The following PLEKHO2 variants were observed in gnomAD, a reference collection of about 807,000 sequenced individuals.
PLEKHO2 encodes the protein pleckstrin homology domain containing O2.
A neutral mutation model predicts 32.7 loss-of-function variants in PLEKHO2; 20 were observed. That is an observed-to-expected ratio of 0.61 (90% CI 0.43 to 0.89). The LOEUF (loss-of-function observed/expected upper bound fraction) is 0.89. Ranked by LOEUF, PLEKHO2 falls within the 40% of genes least tolerant of loss-of-function variation. The probability of loss-of-function intolerance (pLI) is 0.00; values close to 1 mark genes in which losing one functional copy is unlikely to be tolerated. For synonymous variants in PLEKHO2, 247 were observed against 246.3 expected, an observed-to-expected ratio of 1.00 and a Z score of -0.03; for missense variants, 568 against 621.2, an observed-to-expected ratio of 0.91 and a Z score of 0.91.
chr15:64,866,233 ATC>A lies in PLEKHO2; in HGVS notation c.*349_*350del, dbSNP rs1255240619. ...ACTTGGGGTTTCTGGGAATGACATC[ATC>A]TCTGTTCCCCATCCCCAGTAGTTTA... On this transcript the variant is annotated 3_prime_UTR_variant, in exon 6 of 6. Transcript: ENST00000323544. 1 of 458,818 alleles carries A rather than the reference ATC, an allele frequency of 2.2e-6. No individual in the cohort carries two copies. The highest frequency in any genetic ancestry group is 2.0e-5 in the African/African-American group (1 of 50,450). The allele number at this position is 458,818 out of a possible 1,614,324, so 28.4% of individuals were successfully genotyped here.
At position 64,867,060 on chromosome 15, in the gene PLEKHO2, C is replaced by T. The variant is rs1398350699; in HGVS notation, c.*1172C>T. On this transcript the variant is annotated 3_prime_UTR_variant, in exon 6 of 6. Coordinates refer to ENST00000323544, the MANE Select transcript of PLEKHO2 (RefSeq NM_025201.5). ...CTGACTCTAGGGGCACATCCAGTCT[C>T]CATCGTGCTGCAGCAGCTGGACTGA... The T allele has an allele frequency of 6.5e-6, 1 of 152,884 alleles. No homozygotes were observed. Among genetic ancestry groups the T allele is most frequent in the Non-Finnish European group, 1.5e-5 (1 of 68,242 alleles). 9.5% of individuals were successfully genotyped at this position (152,884 alleles called of 1,614,324 possible).
chr15:64,867,196 G>A lies in PLEKHO2; in HGVS notation c.*1308G>A. ...AGGACCTGCCCAGATTTCTGCATGTGCACTTTTGTTTACTGAAAGAGAGAA... is the reference window on the plus strand; with the variant it reads ...AGGACCTGCCCAGATTTCTGCATGTACACTTTTGTTTACTGAAAGAGAGAA... On this transcript the variant is annotated 3_prime_UTR_variant, in exon 6 of 6. Coordinates refer to ENST00000323544, the MANE Select transcript of PLEKHO2 (RefSeq NM_025201.5). 1 of 152,718 alleles carries A rather than the reference G, an allele frequency of 6.5e-6. No individual in the cohort carries two copies. The highest frequency in any genetic ancestry group is 1.5e-5 in the Non-Finnish European group (1 of 68,078). 9.5% of individuals were successfully genotyped at this position (152,718 alleles called of 1,614,324 possible).
chr15:64,859,068 C>A (rs2084625111), intron 3 of PLEKHO2, among the ~76,000 whole-genome samples: 1 of 152,192 alleles, frequency 6.6e-6, no homozygotes, highest in Non-Finnish European at 1.5e-5. Context: ...ACAATGTTTT[C>A]AAGGTTCATC....
At chr15:64,842,859 CAGCACGCAGCAAGCACTTAATAT>C (rs1463946341) in intron 1 of PLEKHO2, among the ~76,000 whole-genome samples, 1 of 152,228 alleles carries the variant, frequency 6.6e-6, no homozygotes, top group South Asian at 2.1e-4. Context: ...TCCGAGGGTC[CAGCACGCAGCAAGCACTTAATAT>C]ATGCCTGTGG....
chr15:64,865,210 C>A lies in PLEKHO2; in HGVS notation c.795C>A (p.Val265=). 2.5e-6 allele frequency: 4 copies of A among 1,614,154 alleles called. No homozygotes were observed. The highest frequency in any genetic ancestry group is 3.4e-6 in the Non-Finnish European group (4 of 1,180,016). The change falls in exon 6 of 6, where the codon GTC becomes GTA. Residue 265 remains valine, a synonymous_variant. Coordinates refer to ENST00000323544, the MANE Select transcript of PLEKHO2 (RefSeq NM_025201.5). ...GCTCTGAGCAGCCTCCCAACAGCGT[C>A]CTGCCTGACAAACTGAAGGTGAGCT... ...DSGSEQPPNS[V]LPDKLKVSWE...
In PLEKHO2 at chr15:64,866,038, T is replaced by A. The variant is rs913474134; in HGVS notation, c.*150T>A. On this transcript the variant is annotated 3_prime_UTR_variant, in exon 6 of 6. Transcript: ENST00000323544. ...GGGTTTGGCCATGACCCGAAGAGAC[T>A]CCTGGCGTCCTTCCTACTCTGCTCT... 4 of 1,022,470 alleles carry A rather than the reference T, an allele frequency of 3.9e-6. No homozygotes were observed. Among genetic ancestry groups the A allele is most frequent in the Middle Eastern group, 6.1e-4 (2 of 3,304 alleles). 63.3% of individuals were successfully genotyped at this position (1,022,470 alleles called of 1,614,324 possible).
At chr15:64,843,078 T>C (rs1260026203) in intron 1 of PLEKHO2, among the ~76,000 whole-genome samples, 1 of 152,216 alleles carries the variant, frequency 6.6e-6, no homozygotes, top group African/African-American at 2.4e-5. Flanking sequence ...TGGGAAGCCC[T>C]GAGTGGACCG....
intron 5 of PLEKHO2, among the ~76,000 whole-genome samples, chr15:64,862,216 G>A (rs1437528667): frequency 1.3e-5 from 2 of 152,122 alleles, no homozygotes; most frequent in African/African-American, 2.4e-5. Flanking sequence ...AAGGGAGAGT[G>A]CGTTTCAGAG....
In PLEKHO2 at chr15:64,854,911, C is replaced by A. The variant is rs748275868; in HGVS notation, c.163-10C>A. 1.9e-6 allele frequency: 3 copies of A among 1,608,368 alleles called. No homozygotes were observed. On this transcript the variant is annotated splice_polypyrimidine_tract_variant and intron_variant, in intron 2 of 5. Coordinates refer to ENST00000323544, the MANE Select transcript of PLEKHO2 (RefSeq NM_025201.5). ...TCACCAGCTCATGTCCCTTCTGTCT[C>A]CCTCCCCAGGATGATCAGAAGTGTG...
chr15:64,849,028 T>C (rs868462397), intron 2 of PLEKHO2, among the ~76,000 whole-genome samples: 1 of 151,534 alleles, frequency 6.6e-6, no homozygotes, highest in Admixed American at 6.6e-5. Context: ...CAGGCTGGAG[T>C]GCAGTGGCGA....
intron 1 of PLEKHO2, among the ~76,000 whole-genome samples, chr15:64,844,024 A>T (rs1011669420): frequency 2.0e-5 from 3 of 151,710 alleles, no homozygotes; most frequent in Non-Finnish European, 2.9e-5. Context: ...GGCATCCCTA[A>T]CTCTGCTTTC....
intron 5 of PLEKHO2, among the ~76,000 whole-genome samples, chr15:64,863,571 T>C (rs2084659632): frequency 6.7e-6 from 1 of 150,272 alleles, no homozygotes. Context: ...AGGGGTGACT[T>C]TCTGGTGGTC....
In PLEKHO2 at chr15:64,866,394, G is replaced by A. The variant is rs1329737905; in HGVS notation, c.*506G>A. ...CTCCCACCTATTCTGAGTAGCTGCAGAGGCCTTGGGTCCAGGCTCTAGGTT... is the reference window on the plus strand; with the variant it reads ...CTCCCACCTATTCTGAGTAGCTGCAAAGGCCTTGGGTCCAGGCTCTAGGTT... On this transcript the variant is annotated 3_prime_UTR_variant, in exon 6 of 6. Transcript: ENST00000323544. The A allele has an allele frequency of 2.2e-6, 1 of 456,520 alleles. No homozygotes were observed. The highest frequency in any genetic ancestry group is 1.5e-5 in the South Asian group (1 of 64,570). 28.3% of individuals were successfully genotyped at this position (456,520 alleles called of 1,614,324 possible).
At position 64,865,702 on chromosome 15, in the gene PLEKHO2, G is replaced by C. The variant is rs116174314; in HGVS notation, c.1287G>C (p.Lys429Asn). 6.2e-7 allele frequency: 1 copy of C among 1,614,220 alleles called. No homozygotes were observed. The highest frequency in any genetic ancestry group is 1.3e-5 in the African/African-American group (1 of 75,070). ...ASEQTEKLLN[K>N]VLGSEPAPVS... ...AACAGACGGAGAAACTGTTGAACAAGGTGCTGGGCAGTGAGCCGGCCCCTG... is the reference window on the plus strand; with the variant it reads ...AACAGACGGAGAAACTGTTGAACAACGTGCTGGGCAGTGAGCCGGCCCCTG... Residue 429 changes from lysine to asparagine, a missense_variant, in exon 6 of 6, where the codon AAG becomes AAC. Coordinates refer to ENST00000323544, the MANE Select transcript of PLEKHO2 (RefSeq NM_025201.5).
chr15:64,855,542 T>A (rs1205452589), intron 3 of PLEKHO2, among the ~76,000 whole-genome samples: 2 of 152,166 alleles, frequency 1.3e-5, no homozygotes, highest in Non-Finnish European at 2.9e-5. Context: ...CCCCCCAGCT[T>A]TCCTCCCCTT....
In PLEKHO2 at chr15:64,865,084, G is replaced by A. The variant is rs779199098; in HGVS notation, c.669G>A (p.Glu223=). 6.2e-7 allele frequency: 1 copy of A among 1,614,090 alleles called. No homozygotes were observed. The highest frequency in any genetic ancestry group is 8.5e-7 in the Non-Finnish European group (1 of 1,180,000). ...CCACCAGCCCTGGTGACAGGGTGGA[G>A]ACCCCTGTGGGGGAGAGAGCCCCAA... is the stretch of plus-strand genomic sequence containing the variant. ...PETTSPGDRV[E]TPVGERAPTP... The change falls in exon 6 of 6, where the codon GAG becomes GAA. Residue 223 remains glutamate, a synonymous_variant. Transcript: ENST00000323544.
At position 64,854,463 on chromosome 15, in the gene PLEKHO2, C is replaced by T. The variant is rs139207505; in HGVS notation, c.163-458C>T. On this transcript the variant is annotated intron_variant, in intron 2 of 5. Transcript: ENST00000323544. ...GGCAGGGCATGTAGCCCCAAATTTG[C>T]CTTGTTCACACTTCCCTCTGGCTCT... 2.0e-4 allele frequency among the ~76,000 whole-genome samples: 31 copies of T among 152,310 alleles called. No individual in the cohort carries two copies. In the East Asian group the frequency reaches 6.0e-3, roughly 29 times the overall value.
Position 64,861,469 on chromosome 15 carries a change from C to T in PLEKHO2, c.385-8C>T, listed in dbSNP as rs775991041. 3.8e-6 allele frequency: 6 copies of T among 1,583,566 alleles called. No homozygotes were observed. Among genetic ancestry groups the T allele is most frequent in the Non-Finnish European group, 5.1e-6 (6 of 1,165,496 alleles). The stretch of plus-strand genomic sequence containing the variant: ...GGCAGGGGCTGATCTGGTTCCCCCT[C>T]CCTCCAGGTAAAGGTGGACAAGAGC... On this transcript the variant is annotated splice_polypyrimidine_tract_variant and splice_region_variant and intron_variant, in intron 4 of 5. Coordinates refer to ENST00000323544, the MANE Select transcript of PLEKHO2 (RefSeq NM_025201.5).
In PLEKHO2 at chr15:64,848,643, G is replaced by A. The variant is rs377681624; in HGVS notation, c.63G>A (p.Lys21=). 1.2e-6 allele frequency: 2 copies of A among 1,614,170 alleles called. No individual in the cohort carries two copies. Among genetic ancestry groups the A allele is most frequent in the Non-Finnish European group, 1.7e-6 (2 of 1,180,036 alleles). ...CTCGGGGAGCACAGATGGTGGACAA[G>A]GCTGGCTGGATCAAGAAGAGCAGTG... ...EKPRGAQMVD[K]AGWIKKSSGG... is the part of the protein sequence containing the mutation. The change falls in exon 2 of 6, where the codon AAG becomes AAA. Residue 21 remains lysine, a synonymous_variant. Coordinates refer to ENST00000323544, the MANE Select transcript of PLEKHO2 (RefSeq NM_025201.5).
Sources: allele counts gnomAD v4.1 joint callset (sites outside exome capture counted in the v4.1 genomes callset), GRCh38; gene constraint gnomAD v4.1.1; transcripts MANE v1.5; gene names NCBI Gene and HGNC (gene_info 2026-07-23, HGNC 2026-07-21).